The following CNTNAP2 variants were observed in gnomAD, a reference collection of about 807,000 sequenced individuals.
CNTNAP2 encodes contactin-associated protein-like 2.
CNTNAP2 carries 98 observed loss-of-function variants against 155.2 expected under a neutral mutation model. The observed-to-expected ratio is 0.63, with a 90% CI of 0.54 to 0.75. The LOEUF is 0.75. CNTNAP2 is among the 30% of genes least tolerant of loss of function. The pLI, the probability that CNTNAP2 is intolerant of heterozygous loss-of-function variation, is 0.00. For synonymous variants in CNTNAP2, 651 were observed against 631.2 expected (o/e 1.03, Z -0.47); for missense variants, 1,727 against 1,688.1 (o/e 1.02, Z -0.40).
At chr7:147,297,875 C>T (rs1017898286) in intron 8 of CNTNAP2, among the ~76,000 whole-genome samples, 1 of 152,146 alleles carries the variant, frequency 6.6e-6, no homozygotes, top group Non-Finnish European at 1.5e-5. Flanking sequence ...AGTGCTGCAA[C>T]AAACATAGGA....
intron 4 of CNTNAP2, among the ~76,000 whole-genome samples, chr7:147,093,828 C>T (rs910167590): frequency 3.3e-5 from 5 of 152,086 alleles, no homozygotes; most frequent in African/African-American, 1.2e-4. Flanking sequence ...CTTGTGAAAT[C>T]AAACAAGTTG....
intron 3 of CNTNAP2, among the ~76,000 whole-genome samples, chr7:146,914,559 G>T (rs1332027345): frequency 1.3e-5 from 2 of 151,938 alleles, no homozygotes; most frequent in East Asian, 3.9e-4. Flanking sequence ...GTGATGTTGA[G>T]TATTTTTTCA....
intron 11 of CNTNAP2, among the ~76,000 whole-genome samples, chr7:147,507,621 C>T (rs1428109714): frequency 4.3e-5 from 6 of 139,404 alleles, no homozygotes; most frequent in Non-Finnish European, 6.0e-5. Flanking sequence ...AGGGCAATCT[C>T]GGCTCACTGC....
At chr7:146,744,866 A>C (rs10237653) in intron 1 of CNTNAP2, among the ~76,000 whole-genome samples, 4,332 of 152,234 alleles carry the variant, frequency 0.028, 216 homozygotes, top group African/African-American at 0.098. Flanking sequence ...TACTTTCTCT[A>C]CCTTCAGATT....
chr7:147,889,663 A>T lies in CNTNAP2; in HGVS notation c.2099-13902A>T, dbSNP rs192143787. Among the ~76,000 whole-genome samples, 9 of 152,326 alleles carry T rather than the reference A, an allele frequency of 5.9e-5. No individual in the cohort carries two copies. In the East Asian group the frequency reaches 1.7e-3, roughly 29 times the overall value. On this transcript the variant is annotated intron_variant, in intron 13 of 23. Transcript: ENST00000361727. Reference sequence around the variant, plus strand: ...TATAGGTCAGAAGCCTTTAAAAATCATTAAGTGTACAGAGCAGCAGTATCC... The same window carrying T: ...TATAGGTCAGAAGCCTTTAAAAATCTTTAAGTGTACAGAGCAGCAGTATCC...
At position 147,572,716 on chromosome 7, in the gene CNTNAP2, A is replaced by G. The variant is rs1800319176; in HGVS notation, c.1897+10459A>G. Among the ~76,000 whole-genome samples the G allele has an allele frequency of 4.0e-5, 6 of 151,068 alleles. No homozygotes were observed. The South Asian group carries it at 1.3e-3, about 31-fold the overall frequency. The stretch of plus-strand genomic sequence containing the variant: ...CAGGATGGGAAACACACACACACAC[A>G]CACACACACACACACACATGTTGGG... On this transcript the variant is annotated intron_variant, in intron 12 of 23. Coordinates refer to ENST00000361727, the MANE Select transcript of CNTNAP2 (RefSeq NM_014141.6).
At chr7:148,367,774 A>G (rs1040418257) in intron 21 of CNTNAP2, among the ~76,000 whole-genome samples, 18 of 152,204 alleles carry the variant, frequency 1.2e-4, no homozygotes, top group African/African-American at 4.1e-4. Flanking sequence ...GTTCTGAAAC[A>G]AAGTACGCAA....
At chr7:148,016,712 G>A (rs1490167383) in intron 15 of CNTNAP2, among the ~76,000 whole-genome samples, 3 of 152,208 alleles carry the variant, frequency 2.0e-5, no homozygotes, top group African/African-American at 7.2e-5. Flanking sequence ...TAACATTTCG[G>A]TGTATTGGTA....
chr7:146,301,667 C>G (rs767987911), intron 1 of CNTNAP2, among the ~76,000 whole-genome samples: 2 of 151,990 alleles, frequency 1.3e-5, no homozygotes, highest in African/African-American at 2.4e-5. Context: ...AAAAGATATA[C>G]ATGGTATCAT....
At chr7:146,380,060 C>A (rs1795359220) in intron 1 of CNTNAP2, among the ~76,000 whole-genome samples, 1 of 152,102 alleles carries the variant, frequency 6.6e-6, no homozygotes, top group Non-Finnish European at 1.5e-5. Flanking sequence ...TTAAAAAGAG[C>A]TGAATATGTT....
chr7:147,365,354 A>G (rs1406738653), intron 9 of CNTNAP2, among the ~76,000 whole-genome samples: 1 of 141,466 alleles, frequency 7.1e-6, no homozygotes, highest in Non-Finnish European at 1.5e-5. Flanking sequence ...CAGCCTGGGC[A>G]GCAGAGGAGA....
In CNTNAP2 at chr7:148,330,193, G is replaced by A. The variant is rs545977589; in HGVS notation, c.3476-53456G>A. Reference sequence around the variant, plus strand: ...GACGGATGGAGTGGACAGATGGAATGGGTGGATGGAGTGGATGGATGGAAT... The same window carrying A: ...GACGGATGGAGTGGACAGATGGAATAGGTGGATGGAGTGGATGGATGGAAT... On this transcript the variant is annotated intron_variant, in intron 21 of 23. Coordinates refer to ENST00000361727, the MANE Select transcript of CNTNAP2 (RefSeq NM_014141.6). Among the ~76,000 whole-genome samples, 363 of 150,888 alleles carry A rather than the reference G, an allele frequency of 2.4e-3. 1 individual carries two copies. Among genetic ancestry groups the A allele is most frequent in the African/African-American group, 7.7e-3 (317 of 41,104 alleles).
At chr7:146,904,321 A>G (rs902947608) in intron 3 of CNTNAP2, among the ~76,000 whole-genome samples, 35 of 152,134 alleles carry the variant, frequency 2.3e-4, no homozygotes, top group African/African-American at 8.0e-4. Flanking sequence ...AAGACCCTCT[A>G]TAGAATTGTG....
intron 15 of CNTNAP2, among the ~76,000 whole-genome samples, chr7:148,050,698 A>AC (rs1223645972): frequency 1.3e-5 from 2 of 152,104 alleles, no homozygotes; most frequent in African/African-American, 4.8e-5. Flanking sequence ...TCACTGACTC[A>AC]CCCACAGCAA....
chr7:147,211,442 G>T (rs2116572246), intron 8 of CNTNAP2, among the ~76,000 whole-genome samples: 1 of 152,034 alleles, frequency 6.6e-6, no homozygotes, highest in Middle Eastern at 3.4e-3. Flanking sequence ...AACCAAAACA[G>T]CATAGCACTG....
At chr7:146,885,813 A>T (rs1001745608) in intron 3 of CNTNAP2, among the ~76,000 whole-genome samples, 3 of 152,092 alleles carry the variant, frequency 2.0e-5, no homozygotes, top group Non-Finnish European at 2.9e-5. Flanking sequence ...GAAGTCAAAG[A>T]TTCTTTTCAG....
intron 15 of CNTNAP2, among the ~76,000 whole-genome samples, chr7:148,058,612 C>A (rs1052297546): frequency 6.6e-6 from 1 of 152,066 alleles, no homozygotes; most frequent in African/African-American, 2.4e-5. Flanking sequence ...TCTGCATATC[C>A]GAGAGTGGTC....
chr7:147,601,647 ATATATATATATAT>A (rs1800948379), intron 12 of CNTNAP2, among the ~76,000 whole-genome samples: 2 of 68,998 alleles, frequency 2.9e-5, no homozygotes, highest in Non-Finnish European at 3.1e-5. Flanking sequence ...AAAAAAAAAT[ATATATATATATAT>A]ATATATATAT....
At chr7:146,816,072 C>T (rs1803164323) in intron 2 of CNTNAP2, among the ~76,000 whole-genome samples, 2 of 152,172 alleles carry the variant, frequency 1.3e-5, no homozygotes, top group African/African-American at 4.8e-5. Flanking sequence ...TCATCCATGT[C>T]TCTACAAAGG....
Sources: allele counts gnomAD v4.1 joint callset (sites outside exome capture counted in the v4.1 genomes callset), GRCh38; gene constraint gnomAD v4.1.1; transcripts MANE v1.5; gene names NCBI Gene and HGNC (gene_info 2026-07-23, HGNC 2026-07-21).